The following EGLN2 variants were observed in gnomAD, a reference collection of about 807,000 sequenced individuals.
EGLN2 encodes the protein prolyl hydroxylase EGLN2.
EGLN2 carries 15 observed loss-of-function variants against 38.2 expected under a neutral mutation model. That is an observed-to-expected ratio of 0.39 (90% CI 0.26 to 0.60). The LOEUF (loss-of-function observed/expected upper bound fraction) is 0.60. Among genes scored for constraint, EGLN2 ranks in the 20% least tolerant of loss-of-function variants. The pLI, the probability that EGLN2 is intolerant of heterozygous loss-of-function variation, is 0.50. For missense variants in EGLN2, 492 were observed against 570.4 expected, an observed-to-expected ratio of 0.86 and a Z score of 1.40; for synonymous variants, 284 against 237.4, an observed-to-expected ratio of 1.20 and a Z score of -1.81.
Position 40,807,166 on chromosome 19 carries a change from C to T in EGLN2, c.992C>T (p.Pro331Leu). 1 of 1,614,172 alleles carries T rather than the reference C, an allele frequency of 6.2e-7. No homozygotes were observed. The highest frequency in any genetic ancestry group is 8.5e-7 in the Non-Finnish European group (1 of 1,180,002). ...KVHGGLLQIFPEGRPVVANIE... is the reference protein window; with the variant it reads ...KVHGGLLQIFLEGRPVVANIE... ...CATGGCGGCCTGCTGCAGATCTTCC[C>T]TGAGGGCCGGCCCGTGGTAGCCAAC... Residue 331 changes from proline (P) to leucine (L), a missense_variant, in exon 4 of 6, where the codon CCT becomes CTT. Physicochemically the swap from Pro to Leu is moderately conservative, Grantham distance 98. Around this residue, in one of 2 missense-constraint regions of EGLN2, gnomAD observed 114 missense variants for 184.2 expected, o/e 0.62. Coordinates refer to ENST00000303961, the MANE Select transcript of EGLN2 (RefSeq NM_080732.4).
At chr19:40,806,329 G>A (rs1295762437) in intron 2 of EGLN2, 1 of 741,470 alleles carries the variant, frequency 1.3e-6, no homozygotes, top group Admixed American at 3.0e-5. Flanking sequence ...TGTGTGTTGG[G>A]AGGGAGTGGG....
chr19:40,802,291 C>T (rs1410846119), intron 2 of EGLN2, among the ~76,000 whole-genome samples: 2 of 152,130 alleles, frequency 1.3e-5, no homozygotes, highest in Non-Finnish European at 2.9e-5. Flanking sequence ...GTGGCATCTG[C>T]ATCGAGGACA....
At chr19:40,805,927 C>T (rs2083297583) in intron 2 of EGLN2, 1 of 152,900 alleles carries the variant, frequency 6.5e-6, no homozygotes, top group Non-Finnish European at 1.5e-5. Context: ...GCAAATTATC[C>T]TTGGAGTTGG....
Position 40,808,084 on chromosome 19 carries a change from G to A in EGLN2, c.*220G>A, listed in dbSNP as rs967217590. ...GTTGTCACCTGGACAGGGGGCAGCCGTGGAGGCCACCGTTACCAACTGAAG... is the reference window on the plus strand; with the variant it reads ...GTTGTCACCTGGACAGGGGGCAGCCATGGAGGCCACCGTTACCAACTGAAG... On this transcript the variant is annotated 3_prime_UTR_variant, in exon 6 of 6. Transcript: ENST00000303961. 23 of 598,114 alleles carry A rather than the reference G, an allele frequency of 3.8e-5. No individual in the cohort carries two copies. The highest frequency in any genetic ancestry group is 9.0e-5 in the Admixed American group (3 of 33,204). The allele number at this position is 598,114 out of a possible 1,614,324, so 37.1% of individuals were successfully genotyped here.
In EGLN2 at chr19:40,801,411, C is replaced by G. The variant is rs1387823742; in HGVS notation, c.839C>G (p.Thr280Ser). 2.4e-5 allele frequency: 38 copies of G among 1,603,112 alleles called. No homozygotes were observed. Among genetic ancestry groups the G allele is most frequent in the Non-Finnish European group, 3.1e-5 (36 of 1,177,970 alleles). Reference protein sequence around the residue: ...RLGSYVINGRTKAMVACYPGN... With the variant: ...RLGSYVINGRSKAMVACYPGN... ...GGCAGCTATGTCATCAACGGGCGCA[C>G]CAAGGTAAGGCTAGGTGGGGGCCTC... Residue 280 changes from threonine to serine, a missense_variant, in exon 2 of 6, where the codon ACC becomes AGC. By Grantham distance (58) the Thr-to-Ser change is moderately conservative. Transcript: ENST00000303961.
chr19:40,800,709 C>T lies in EGLN2; in HGVS notation c.137C>T (p.Pro46Leu), dbSNP rs753191476. Residue 46 changes from proline (P) to leucine (L), a missense_variant, in exon 2 of 6, where the codon CCC becomes CTC. By Grantham distance (98) the Pro-to-Leu change is moderately conservative. Coordinates refer to ENST00000303961, the MANE Select transcript of EGLN2 (RefSeq NM_080732.4). ...VESYLPCPLL[P>L]SYHCPGVPSE... is the part of the protein sequence containing the mutation. The stretch of plus-strand genomic sequence containing the variant: ...AGTTACCTGCCCTGTCCCCTGCTCC[C>T]CTCCTACCACTGTCCAGGAGTGCCT... The T allele has an allele frequency of 3.1e-6, 5 of 1,613,954 alleles. No individual in the cohort carries two copies. Among genetic ancestry groups the T allele is most frequent in the South Asian group, 2.2e-5 (2 of 91,086 alleles).
chr19:40,801,481 C>CT (rs1483121814), intron 2 of EGLN2, 66 bp downstream of exon 2: 30 of 1,550,154 alleles, frequency 1.9e-5, no homozygotes, highest in Non-Finnish European at 2.5e-5. Flanking sequence ...ATTCAGTGCT[C>CT]TGAGCACAGT....
intron 2 of EGLN2, among the ~76,000 whole-genome samples, chr19:40,802,968 C>A (rs1278678467): frequency 6.6e-6 from 1 of 152,258 alleles, no homozygotes; most frequent in Non-Finnish European, 1.5e-5. Context: ...CCCCCGGGGC[C>A]AAGGCCTGTT....
At chr19:40,802,220 G>A (rs1003127455) in intron 2 of EGLN2, among the ~76,000 whole-genome samples, 7 of 152,168 alleles carry the variant, frequency 4.6e-5, no homozygotes, top group African/African-American at 1.7e-4. Flanking sequence ...GGAAGGAAAG[G>A]GGTGCTGCCC....
chr19:40,801,279 G>A lies in EGLN2; in HGVS notation c.707G>A (p.Arg236His). The A allele has an allele frequency of 1.2e-6, 2 of 1,613,130 alleles. No homozygotes were observed. Among genetic ancestry groups the A allele is most frequent in the Non-Finnish European group, 1.7e-6 (2 of 1,180,020 alleles). The change falls in exon 2 of 6, where the codon CGT (arginine) becomes CAT (histidine). Residue 236 changes from arginine to histidine, a missense_variant. Coordinates refer to ENST00000303961, the MANE Select transcript of EGLN2 (RefSeq NM_080732.4). ...AGGGCGATCCCGCCGCGCAGCATCC[G>A]TGGGGACCAGATTGCCTGGGTGGAA... is the stretch of plus-strand genomic sequence containing the variant. Reference protein sequence around the residue: ...SQRAIPPRSIRGDQIAWVEGH... With the variant: ...SQRAIPPRSIHGDQIAWVEGH...
At chr19:40,803,620 G>T (rs16974537) in intron 2 of EGLN2, among the ~76,000 whole-genome samples, 5 of 152,082 alleles carry the variant, frequency 3.3e-5, no homozygotes, top group African/African-American at 1.2e-4. Flanking sequence ...CTTCTTAGTC[G>T]TTCTGAGTGG....
chr19:40,808,275 TC>T lies in EGLN2; in HGVS notation c.*413del. The T allele has an allele frequency of 2.4e-6, 1 of 415,432 alleles. No homozygotes were observed. The highest frequency in any genetic ancestry group is 4.3e-6 in the Non-Finnish European group (1 of 234,734). The allele number at this position is 415,432 out of a possible 1,614,324, so 25.7% of individuals were successfully genotyped here. On this transcript the variant is annotated 3_prime_UTR_variant, in exon 6 of 6. Coordinates refer to ENST00000303961, the MANE Select transcript of EGLN2 (RefSeq NM_080732.4). Reference sequence around the variant, plus strand: ...GAGTACCCCCAAGTCCTCTCACTCCTCCAGCCTGGAATGTGAAGTGACTCCC... The same window carrying T: ...GAGTACCCCCAAGTCCTCTCACTCCTCAGCCTGGAATGTGAAGTGACTCCC...
chr19:40,806,507 A>G, intron 2 of EGLN2, 48 bp from the exon 3 acceptor site: 1 of 1,608,614 alleles, frequency 6.2e-7, no homozygotes, highest in Non-Finnish European at 8.5e-7. Flanking sequence ...CTTCTCTAAG[A>G]TGTGCCTGCC....
intron 2 of EGLN2, among the ~76,000 whole-genome samples, chr19:40,801,651 CTTTTTTTTTTT>C (rs58809253): frequency 1.3e-4 from 13 of 102,704 alleles, no homozygotes; most frequent in Admixed American, 3.3e-4. Context: ...CACAGTGGTT[CTTTTTTTTTTT>C]TTTTTTTTTT....
rs776397022 is a variant in EGLN2 at position 40,801,249 on chromosome 19, G to A, written c.677G>A (p.Ser226Asn). 1.7e-5 allele frequency: 27 copies of A among 1,612,706 alleles called. No homozygotes were observed. The South Asian group carries it at 2.6e-4, about 16-fold the overall frequency. Residue 226 changes from serine to asparagine, a missense_variant, in exon 2 of 6, where the codon AGC becomes AAC. This residue lies in a region of EGLN2 where 378 missense variants were observed against 386.2 expected (regional missense o/e 0.98). Transcript: ENST00000303961. ...GGRLRDGQLV[S>N]QRAIPPRSIR... Reference sequence around the variant, plus strand: ...CGCCTGCGAGACGGGCAGCTAGTGAGCCAGAGGGCGATCCCGCCGCGCAGC... The same window carrying A: ...CGCCTGCGAGACGGGCAGCTAGTGAACCAGAGGGCGATCCCGCCGCGCAGC...
intron 5 of EGLN2, 43 bp downstream of exon 5, chr19:40,807,594 C>T: frequency 1.9e-6 from 3 of 1,603,222 alleles, no homozygotes; most frequent in South Asian, 1.1e-5. Context: ...TCTGTGGGCC[C>T]TCTTGGGCCT....
chr19:40,806,582 G>A lies in EGLN2; in HGVS notation c.871G>A (p.Gly291Arg), dbSNP rs371327034. ...CATGGTGGCGTGTTACCCAGGCAAC[G>A]GGCTCGGGTACGTAAGGCACGTTGA... ...KAMVACYPGN[G>R]LGYVRHVDNP... is the part of the protein sequence containing the mutation. Residue 291 changes from glycine to arginine, a missense_variant, in exon 3 of 6, where the codon GGG (glycine) becomes AGG (arginine). Gly to Arg is a moderately radical substitution (Grantham distance 125). This residue lies in a region of EGLN2 where 114 missense variants were observed against 184.2 expected (regional missense o/e 0.62). Transcript: ENST00000303961. 2.7e-5 allele frequency: 43 copies of A among 1,613,888 alleles called. No homozygotes were observed. The highest frequency in any genetic ancestry group is 3.5e-5 in the Non-Finnish European group (41 of 1,179,938).
chr19:40,802,559 C>T (rs1215436985), intron 2 of EGLN2, among the ~76,000 whole-genome samples: 16 of 152,254 alleles, frequency 1.1e-4, no homozygotes, highest in Non-Finnish European at 1.8e-4. Flanking sequence ...GGCCACAGAT[C>T]CTCTCTTAAG....
chr19:40,801,592 T>C (rs1388812939), intron 2 of EGLN2, among the ~76,000 whole-genome samples, 177 bp downstream of exon 2: 1 of 151,112 alleles, frequency 6.6e-6, no homozygotes, highest in Non-Finnish European at 1.5e-5. Flanking sequence ...TTATCCTCCC[T>C]ACGGGCCTTA....
Sources: allele counts gnomAD v4.1 joint callset (sites outside exome capture counted in the v4.1 genomes callset), GRCh38; gene constraint gnomAD v4.1.1; regional missense constraint gnomAD v4.1.1; transcripts MANE v1.5; gene names NCBI Gene and HGNC (gene_info 2026-07-23, HGNC 2026-07-21).